The following MMD2 variants were observed in gnomAD, a reference collection of about 807,000 sequenced individuals.
MMD2 encodes monocyte to macrophage differentiation associated 2.
Under a neutral mutation model 33.5 loss-of-function variants are expected in MMD2, and 30 were observed. The observed-to-expected ratio is 0.90, with a 90% CI of 0.67 to 1.22. MMD2 has a LOEUF of 1.22. MMD2 is among the 50% of genes most tolerant of loss of function. MMD2 has a pLI of 0.00. For synonymous variants in MMD2, 129 were observed against 123.0 expected (o/e 1.05, Z -0.32); for missense variants, 364 against 325.4 (o/e 1.12, Z -0.91).
chr7:4,947,133 G>A lies in MMD2; in HGVS notation c.47+11838C>T, dbSNP rs79727756. The stretch of plus-strand genomic sequence containing the variant: ...TGAGGCAGGAGAATCGCTTGAACTC[G>A]GGAGGTGGAGTTTGCAGTAAGCTGA... On this transcript the variant is annotated intron_variant, in intron 1 of 6. Transcript: ENST00000401401. Among the ~76,000 whole-genome samples, 147 of 152,090 alleles carry A rather than the reference G, an allele frequency of 9.7e-4. 3 individuals carry two copies. The East Asian group carries it at 0.025, about 26-fold the overall frequency.
chr7:4,908,737 A>C (rs892450471), intron 6 of MMD2, among the ~76,000 whole-genome samples: 11 of 151,748 alleles, frequency 7.2e-5, no homozygotes, highest in African/African-American at 2.7e-4. Flanking sequence ...TCTCTACTAA[A>C]AATACAATAA....
intron 1 of MMD2, among the ~76,000 whole-genome samples, chr7:4,945,189 T>C (rs1162580257): frequency 8.2e-6 from 1 of 121,756 alleles, no homozygotes; most frequent in East Asian, 2.3e-4. Context: ...TTCCTCTTTC[T>C]TCTTCTTCTT....
intron 3 of MMD2, 63 bp from the exon 4 acceptor site, chr7:4,916,142 A>C: frequency 6.6e-7 from 1 of 1,519,060 alleles, no homozygotes; most frequent in Non-Finnish European, 9.1e-7. Context: ...CAGTGCCCCC[A>C]GAGCCGTGCC....
chr7:4,934,879 A>G (rs1263293135), intron 1 of MMD2, among the ~76,000 whole-genome samples: 1 of 152,112 alleles, frequency 6.6e-6, no homozygotes, highest in Non-Finnish European at 1.5e-5. Flanking sequence ...CCTAGCCAGC[A>G]GGTGTCATAA....
intron 3 of MMD2, 41 bp downstream of exon 3, chr7:4,920,130 G>A (rs559008910): frequency 1.0e-4 from 157 of 1,543,508 alleles, no homozygotes; most frequent in East Asian, 6.1e-4. Context: ...CCCCTGCCCC[G>A]ACCCCCTACC....
intron 2 of MMD2, among the ~76,000 whole-genome samples, chr7:4,921,668 C>T (rs1035474128): frequency 2.0e-5 from 3 of 151,572 alleles, no homozygotes; most frequent in Non-Finnish European, 2.9e-5. Context: ...CAGCCCCTAC[C>T]GTGTGCATCC....
At chr7:4,908,654 C>G (rs909274255) in intron 6 of MMD2, among the ~76,000 whole-genome samples, 1 of 151,768 alleles carries the variant, frequency 6.6e-6, no homozygotes, top group Non-Finnish European at 1.5e-5. Context: ...AATCCCAGCA[C>G]TTTGGAGGCT....
At chr7:4,934,737 G>C (rs1175113653) in intron 1 of MMD2, among the ~76,000 whole-genome samples, 1 of 152,228 alleles carries the variant, frequency 6.6e-6, no homozygotes, top group East Asian at 1.9e-4. Flanking sequence ...ACTTGAGGAG[G>C]TACAGGCTTT....
Position 4,911,183 on chromosome 7 carries a change from A to G in MMD2, c.429T>C (p.Ala143=). ...SHMRWLVWIM[A]SVGTIYVFFF... is the part of the protein sequence containing the mutation. ...AGAAGACATAGATGGTGCCCACGGA[A>G]GCCATAATCCAGACCAGCCAGCGCA... The change falls in exon 5 of 7, where the codon GCT becomes GCC. Residue 143 remains alanine (A), a synonymous_variant. Coordinates refer to ENST00000401401, the MANE Select transcript of MMD2 (RefSeq NM_198403.4). 1 of 1,600,720 alleles carries G rather than the reference A, an allele frequency of 6.2e-7. No homozygotes were observed. Among genetic ancestry groups the G allele is most frequent in the Non-Finnish European group, 8.5e-7 (1 of 1,174,266 alleles).
chr7:4,948,777 A>G (rs1786160178), intron 1 of MMD2, among the ~76,000 whole-genome samples: 1 of 152,164 alleles, frequency 6.6e-6, no homozygotes, highest in African/African-American at 2.4e-5. Flanking sequence ...AATTGTAGGA[A>G]ATACATTTTT....
At chr7:4,952,272 C>T (rs772777101) in intron 1 of MMD2, among the ~76,000 whole-genome samples, 3 of 152,180 alleles carry the variant, frequency 2.0e-5, no homozygotes, top group African/African-American at 4.8e-5. Context: ...CTAAAAGGCC[C>T]GGGACTTGGG....
chr7:4,912,426 G>A (rs1205705155), intron 4 of MMD2, among the ~76,000 whole-genome samples: 1 of 151,762 alleles, frequency 6.6e-6, no homozygotes, highest in East Asian at 2.0e-4. Flanking sequence ...GCCAGGCGTG[G>A]TGTCGGGCGC....
chr7:4,916,020 G>A lies in MMD2; in HGVS notation c.350C>T (p.Ala117Val). 6.2e-7 allele frequency: 1 copy of A among 1,613,928 alleles called. No homozygotes were observed. The highest frequency in any genetic ancestry group is 8.5e-7 in the Non-Finnish European group (1 of 1,179,878). The change falls in exon 4 of 7, where the codon GCT (alanine) becomes GTT (valine). Residue 117 changes from alanine to valine, a missense_variant. Transcript: ENST00000401401. ...DRMVIYFFIA[A>V]SYAPWLNLRE... is the part of the protein sequence containing the mutation. ...CGGTACTCACCAGGGTGCGTAGGAAGCCGCTATGAAGAAATAGATGACCAT... is the reference window on the plus strand; with the variant it reads ...CGGTACTCACCAGGGTGCGTAGGAAACCGCTATGAAGAAATAGATGACCAT...
the MMD2 span, among the ~76,000 whole-genome samples, chr7:4,897,417 A>C: frequency 1.3e-5 from 2 of 152,216 alleles, no homozygotes; most frequent in Non-Finnish European, 2.9e-5. Flanking sequence ...GTCCAATACC[A>C]GCAGGACATT....
intron 1 of MMD2, among the ~76,000 whole-genome samples, chr7:4,952,774 C>A (rs2115163490): frequency 6.6e-6 from 1 of 150,910 alleles, no homozygotes; most frequent in South Asian, 2.1e-4. Flanking sequence ...TCACCGCAGC[C>A]TCCGCCTCCT....
intron 1 of MMD2, among the ~76,000 whole-genome samples, chr7:4,931,056 G>A (rs1298009161): frequency 6.6e-6 from 1 of 152,122 alleles, no homozygotes. Context: ...TCACCATGTT[G>A]GCCAGGCTAG....
In MMD2 at chr7:4,949,322, C is replaced by A. The variant is rs563657633; in HGVS notation, c.47+9649G>T. Among the ~76,000 whole-genome samples the A allele has an allele frequency of 2.7e-4, 41 of 152,174 alleles. 2 individuals carry two copies. The East Asian group carries it at 7.9e-3, about 29-fold the overall frequency. On this transcript the variant is annotated intron_variant, in intron 1 of 6. Coordinates refer to ENST00000401401, the MANE Select transcript of MMD2 (RefSeq NM_198403.4). ...ACCCCTTAACCATCCCAACCTCCCCCCAACCTGCCCACTCCCCTTCCCAGC... is the reference window on the plus strand; with the variant it reads ...ACCCCTTAACCATCCCAACCTCCCCACAACCTGCCCACTCCCCTTCCCAGC...
chr7:4,944,346 T>C (rs1562493263), intron 1 of MMD2, among the ~76,000 whole-genome samples: 1 of 152,078 alleles, frequency 6.6e-6, no homozygotes, highest in African/African-American at 2.4e-5. Context: ...ACTTTAGCCC[T>C]GGGCTCACTT....
At chr7:4,953,470 A>G (rs957308774) in intron 1 of MMD2, among the ~76,000 whole-genome samples, 2 of 131,390 alleles carry the variant, frequency 1.5e-5, no homozygotes, top group Non-Finnish European at 3.5e-5. Context: ...CGTGTGATTC[A>G]GTCTCTTTTT....
Sources: gnomAD v4.1 joint callset for allele counts (sites outside exome capture counted in the v4.1 genomes callset) on GRCh38, gnomAD v4.1.1 for gene constraint, MANE v1.5 for transcripts, NCBI Gene and HGNC (gene_info 2026-07-23, HGNC 2026-07-21) for gene names.